Variants in NEIL3 observed in about 807,000 individuals in gnomAD.
NEIL3 encodes the protein nei like DNA glycosylase 3, also known as endonuclease 8-like 3.
A neutral mutation model predicts 57.5 loss-of-function variants in NEIL3; 48 were observed. The observed-to-expected ratio is 0.83, with a 90% CI of 0.66 to 1.06. The LOEUF (loss-of-function observed/expected upper bound fraction) is 1.06, where lower values mean the gene tolerates loss of function less well. Ranked by LOEUF, NEIL3 falls within the 50% of genes least tolerant of loss-of-function variation. The pLI, the probability that NEIL3 is intolerant of heterozygous loss-of-function variation, is 0.00. For synonymous variants in NEIL3, 261 were observed against 253.2 expected, an observed-to-expected ratio of 1.03 and a Z score of -0.29; for missense variants, 717 against 739.1, an observed-to-expected ratio of 0.97 and a Z score of 0.35.
At chr4:177,364,711 C>T (rs1032351649), downstream of NEIL3, among the ~76,000 whole-genome samples, 5 of 152,070 alleles carry the variant, frequency 3.3e-5, no homozygotes, top group South Asian at 2.1e-4. Context: ...AGGCAGATCA[C>T]GAAGTCAAGA....
rs755252807 is a variant in NEIL3, at chr4:177,362,291, G to T, written c.1638G>T (p.Trp546Cys). 13 of 1,593,606 alleles carry T rather than the reference G, an allele frequency of 8.2e-6. No individual in the cohort carries two copies. In the South Asian group the frequency reaches 1.3e-4, roughly 15 times the overall value. ...PREAQCGFFE[W>C]ADLSFPFCNH... is the part of the protein sequence containing the mutation. ...AAATTTACCTTTTTTTCCTGCAGTG[G>T]GCAGATTTGTCCTTCCCATTCTGCA... The change falls in exon 10 of 10, where the codon TGG becomes TGT. Residue 546 changes from tryptophan (W) to cysteine (C), a missense_variant and splice_region_variant. Trp to Cys is a radical substitution (Grantham distance 215). Coordinates refer to ENST00000264596, the MANE Select transcript of NEIL3 (RefSeq NM_018248.3).
chr4:177,350,037 A>C (rs1735320012), intron 6 of NEIL3, among the ~76,000 whole-genome samples: 1 of 152,234 alleles, frequency 6.6e-6, no homozygotes, highest in South Asian at 2.1e-4. Context: ...TGGCATTAAA[A>C]GTCAAGGGAA....
chr4:177,339,951 C>G, intron 5 of NEIL3, 94 bp downstream of exon 5: 1 of 775,974 alleles, frequency 1.3e-6, no homozygotes, highest in Non-Finnish European at 2.3e-6. Flanking sequence ...ATATAGCCAT[C>G]TAGTGGAAAG....
Position 177,360,496 on chromosome 4 carries a change from A to G in NEIL3, c.1461-7A>G, listed in dbSNP as rs758170559. On this transcript the variant is annotated splice_polypyrimidine_tract_variant and splice_region_variant and intron_variant, in intron 8 of 9. Transcript: ENST00000264596. ...TGCTGTACTTATTTTGTAACCTGTCATTACAGTGAACTTCAAATTAATATG... is the reference window on the plus strand; with the variant it reads ...TGCTGTACTTATTTTGTAACCTGTCGTTACAGTGAACTTCAAATTAATATG... The G allele has an allele frequency of 6.2e-6, 10 of 1,611,724 alleles. No homozygotes were observed. In the Admixed American group the frequency reaches 1.7e-4, roughly 27 times the overall value.
At position 177,336,295 on chromosome 4, in the gene NEIL3, G is replaced by A. The variant is rs1232864803; in HGVS notation, c.601G>A (p.Asp201Asn). ...GNIIKNEALF[D>N]SGLHPAVKVC... ...CATCATCAAAAATGAAGCTCTCTTT[G>A]ACAGTGGTCTCCACCCAGCTGTTAA... The change falls in exon 4 of 10, where the codon GAC becomes AAC. Residue 201 changes from aspartate to asparagine, a missense_variant. Transcript: ENST00000264596. 5.6e-6 allele frequency: 9 copies of A among 1,613,932 alleles called. 1 individual carries two copies. In the Admixed American group the frequency reaches 8.3e-5, roughly 15 times the overall value.
intron 2 of NEIL3, among the ~76,000 whole-genome samples, chr4:177,329,356 A>T (rs922034532): frequency 6.6e-6 from 1 of 152,198 alleles, no homozygotes; most frequent in African/African-American, 2.4e-5. Flanking sequence ...GCCTATAAGA[A>T]AACCACTTAA....
At chr4:177,333,403 C>A (rs1474115485) in intron 2 of NEIL3, among the ~76,000 whole-genome samples, 1 of 152,074 alleles carries the variant, frequency 6.6e-6, no homozygotes, top group Non-Finnish European at 1.5e-5. Flanking sequence ...TTAGTTTGGG[C>A]ACATTTTCAT....
At position 177,353,650 on chromosome 4, in the gene NEIL3, G is replaced by A. The variant is rs1234572860; in HGVS notation, c.1382G>A (p.Ser461Asn). Residue 461 changes from serine (S) to asparagine (N), a missense_variant, in exon 8 of 10, where the codon AGT becomes AAT. Transcript: ENST00000264596. ...ATCAGTTCAGAATCTAAATTATTTA[G>A]TCCAGCACATAAAAAACCGAAAACA... is the stretch of plus-strand genomic sequence containing the variant. ...PTISSESKLF[S>N]PAHKKPKTAQ... 6.2e-7 allele frequency: 1 copy of A among 1,613,442 alleles called. No individual in the cohort carries two copies. The highest frequency in any genetic ancestry group is 2.2e-5 in the East Asian group (1 of 44,882).
At chr4:177,361,060 A>G (rs1735599174) in intron 9 of NEIL3, among the ~76,000 whole-genome samples, 2 of 152,250 alleles carry the variant, frequency 1.3e-5, no homozygotes, top group Non-Finnish European at 2.9e-5. Context: ...TGGTTTATGC[A>G]TTGGATAAAG....
At position 177,362,788 on chromosome 4, in the gene NEIL3, G is replaced by GTTT; in HGVS notation, c.*325_*327dup. On this transcript the variant is annotated 3_prime_UTR_variant, in exon 10 of 10. Coordinates refer to ENST00000264596, the MANE Select transcript of NEIL3 (RefSeq NM_018248.3). ...TCTCTTGTAACTGGGGAGAAGCAGTGTTTTTTTTTTAGGAAAGGATTATGC... is the reference window on the plus strand; with the variant it reads ...TCTCTTGTAACTGGGGAGAAGCAGTGTTTTTTTTTTTTTAGGAAAGGATTATGC... 6.1e-6 allele frequency: 1 copy of GTTT among 164,244 alleles called. No individual in the cohort carries two copies. Among genetic ancestry groups the GTTT allele is most frequent in the Non-Finnish European group, 1.3e-5 (1 of 78,444 alleles). The allele number at this position is 164,244 out of a possible 1,614,324, so 10.2% of individuals were successfully genotyped here.
chr4:177,320,466 C>CTTTT (rs34353849), intron 1 of NEIL3, among the ~76,000 whole-genome samples: 3 of 77,422 alleles, frequency 3.9e-5, no homozygotes, highest in African/African-American at 5.4e-5. Context: ...TGACTGCTGT[C>CTTTT]TTTTTTTTTT....
chr4:177,354,862 A>AT (rs1219083599), intron 8 of NEIL3, among the ~76,000 whole-genome samples: 3 of 152,204 alleles, frequency 2.0e-5, no homozygotes, highest in Non-Finnish European at 4.4e-5. Flanking sequence ...TAACTAAGAA[A>AT]TACTACCAGA....
intron 2 of NEIL3, among the ~76,000 whole-genome samples, chr4:177,334,568 C>T (rs1023522358): frequency 3.9e-5 from 6 of 152,130 alleles, no homozygotes; most frequent in Admixed American, 6.6e-5. Flanking sequence ...GACAGTTGTA[C>T]ACCTTTCACT....
intron 8 of NEIL3, among the ~76,000 whole-genome samples, chr4:177,358,969 T>C (rs1465453654): frequency 6.6e-6 from 1 of 152,258 alleles, no homozygotes; most frequent in African/African-American, 2.4e-5. Flanking sequence ...GAGCATTGTT[T>C]ATGAACCACT....
chr4:177,361,233 A>C (rs761288823), intron 9 of NEIL3, among the ~76,000 whole-genome samples: 41 of 152,160 alleles, frequency 2.7e-4, no homozygotes, highest in Admixed American at 1.2e-3. Flanking sequence ...GATGAACCTA[A>C]GATAGGAGAT....
chr4:177,335,410 A>G (rs1003830723), intron 2 of NEIL3, among the ~76,000 whole-genome samples: 2 of 152,080 alleles, frequency 1.3e-5, no homozygotes, highest in African/African-American at 2.4e-5. Context: ...GCAGGGGTGT[A>G]TTTTTTTGGG....
At chr4:177,314,118 T>C (rs1401405379) in intron 1 of NEIL3, among the ~76,000 whole-genome samples, 1 of 152,214 alleles carries the variant, frequency 6.6e-6, no homozygotes, top group African/African-American at 2.4e-5. Flanking sequence ...GATTTCTAAA[T>C]AATTTAGAGA....
intron 1 of NEIL3, among the ~76,000 whole-genome samples, chr4:177,319,295 T>C (rs1412665218): frequency 2.0e-5 from 3 of 152,114 alleles, no homozygotes; most frequent in Non-Finnish European, 4.4e-5. Flanking sequence ...AGACAAGTAG[T>C]GAGTGCAGGC....
At chr4:177,310,232 C>A in intron 1 of NEIL3, 123 bp downstream of exon 1, 2 of 1,109,548 alleles carry the variant, frequency 1.8e-6, no homozygotes, top group Non-Finnish European at 2.4e-6. Context: ...GGGGTCCCAC[C>A]TTTCACAGAG....
Sources: gnomAD v4.1 joint callset for allele counts (sites outside exome capture counted in the v4.1 genomes callset) on GRCh38, gnomAD v4.1.1 for gene constraint, MANE v1.5 for transcripts, NCBI Gene and HGNC (gene_info 2026-07-23, HGNC 2026-07-21) for gene names.